Variants in LGSN observed in about 807,000 individuals in gnomAD.
LGSN encodes the protein lengsin, lens protein with glutamine synthetase domain.
In LGSN, 21 loss-of-function variants were observed where a neutral mutation model predicts 19.5. The ratio of observed to expected loss-of-function variants is 1.07; its 90% CI spans 0.76 to 1.55. LGSN has a LOEUF of 1.55. Ranked by LOEUF, LGSN falls within the 40% of genes most tolerant of loss-of-function variation. LGSN has a pLI of 0.00. For synonymous variants in LGSN, 257 were observed against 215.6 expected (o/e 1.19, Z -1.68); for missense variants, 673 against 608.5 (o/e 1.11, Z -1.12).
chr6:63,365,918 A>C, the LGSN span, among the ~76,000 whole-genome samples: 1 of 152,238 alleles, frequency 6.6e-6, no homozygotes, highest in Non-Finnish European at 1.5e-5. Context: ...TCAATAAACT[A>C]AGTATTGATG....
the LGSN span, among the ~76,000 whole-genome samples, chr6:63,491,960 C>A: frequency 0.02 from 2,940 of 150,708 alleles, 42 homozygotes; most frequent in Non-Finnish European, 0.031. Context: ...ACCCGGGAGG[C>A]GGAAGTTGCA....
intron 2 of LGSN, among the ~76,000 whole-genome samples, chr6:63,287,691 A>C (rs1163456570): frequency 6.6e-6 from 1 of 152,036 alleles, no homozygotes; most frequent in Non-Finnish European, 1.5e-5. Context: ...CTATGCAACA[A>C]AGAGGGACTG....
chr6:63,432,109 GAAAGAAA>G, the LGSN span, among the ~76,000 whole-genome samples: 12 of 78,756 alleles, frequency 1.5e-4, no homozygotes, highest in Non-Finnish European at 2.8e-4. Context: ...AAGAAAGAAA[GAAAGAAA>G]GAAAGAAAGA....
chr6:63,337,432 G>A, the LGSN span, among the ~76,000 whole-genome samples: 1 of 151,766 alleles, frequency 6.6e-6, no homozygotes, highest in Non-Finnish European at 1.5e-5. Context: ...AGCCAAGATA[G>A]CGCCACTGCA....
the LGSN span, among the ~76,000 whole-genome samples, chr6:63,551,044 T>C: frequency 6.6e-6 from 1 of 151,592 alleles, no homozygotes; most frequent in Non-Finnish European, 1.5e-5. Context: ...TATGAAAGTA[T>C]TACAAGCCAC....
chr6:63,438,493 C>T, the LGSN span, among the ~76,000 whole-genome samples: 2 of 151,996 alleles, frequency 1.3e-5, no homozygotes, highest in East Asian at 3.9e-4. Context: ...ACAATGAACT[C>T]AAACAAATTT....
chr6:63,429,441 A>G, the LGSN span, among the ~76,000 whole-genome samples: 2 of 152,124 alleles, frequency 1.3e-5, no homozygotes, highest in Admixed American at 1.3e-4. Flanking sequence ...TTTCTTAAAA[A>G]TCAAGAAATC....
chr6:63,370,976 A>T, the LGSN span, among the ~76,000 whole-genome samples: 23 of 152,180 alleles, frequency 1.5e-4, no homozygotes, highest in African/African-American at 5.6e-4. Flanking sequence ...GATTTTTATC[A>T]TGCGCAATTT....
At chr6:63,520,755 G>A in the LGSN span, among the ~76,000 whole-genome samples, 1 of 151,984 alleles carries the variant, frequency 6.6e-6, no homozygotes, top group Non-Finnish European at 1.5e-5. Context: ...TTATTTCCTT[G>A]TCAATATGAT....
At chr6:63,425,673 G>T in the LGSN span, among the ~76,000 whole-genome samples, 1 of 152,060 alleles carries the variant, frequency 6.6e-6, no homozygotes, top group African/African-American at 2.4e-5. Flanking sequence ...GATCCTGGTG[G>T]TGACAGAAAT....
the LGSN span, among the ~76,000 whole-genome samples, chr6:63,533,100 G>A: frequency 6.6e-6 from 1 of 152,184 alleles, no homozygotes; most frequent in Admixed American, 6.5e-5. Flanking sequence ...AAAACAATAA[G>A]GCTGGGCGAG....
chr6:63,478,289 G>A, the LGSN span, among the ~76,000 whole-genome samples: 1 of 152,156 alleles, frequency 6.6e-6, no homozygotes, highest in South Asian at 2.1e-4. Context: ...TGTTTAAAAT[G>A]TATAAATGGG....
chr6:63,383,421 C>T, the LGSN span, among the ~76,000 whole-genome samples: 1 of 151,768 alleles, frequency 6.6e-6, no homozygotes, highest in Non-Finnish European at 1.5e-5. Context: ...CATGCACATA[C>T]ACAGACCCAG....
At chr6:63,568,390 C>T in the LGSN span, among the ~76,000 whole-genome samples, 4 of 152,164 alleles carry the variant, frequency 2.6e-5, no homozygotes, top group Admixed American at 6.5e-5. Context: ...GGCCCATCAG[C>T]GGAGCAGTCA....
chr6:63,435,506 C>T, the LGSN span, among the ~76,000 whole-genome samples: 1 of 152,152 alleles, frequency 6.6e-6, no homozygotes, highest in East Asian at 1.9e-4. Context: ...TCAGCTTCCA[C>T]CTTTGCCCCT....
chr6:63,502,962 T>A, the LGSN span, among the ~76,000 whole-genome samples: 1 of 152,238 alleles, frequency 6.6e-6, no homozygotes, highest in East Asian at 1.9e-4. Context: ...AATTAATCAA[T>A]CGATGTCAGA....
the LGSN span, among the ~76,000 whole-genome samples, chr6:63,375,550 A>C: frequency 2.0e-5 from 3 of 152,158 alleles, no homozygotes; most frequent in South Asian, 2.1e-4. Context: ...AAAATATGAA[A>C]ACACTTATTT....
At chr6:63,522,281 A>G in the LGSN span, among the ~76,000 whole-genome samples, 1 of 152,212 alleles carries the variant, frequency 6.6e-6, no homozygotes, top group East Asian at 1.9e-4. Flanking sequence ...AATTTAGATG[A>G]ATTATTTGTA....
the LGSN span, among the ~76,000 whole-genome samples, chr6:63,390,491 C>G: frequency 2.5e-4 from 38 of 151,992 alleles, no homozygotes; most frequent in Admixed American, 7.9e-4. Context: ...GCCAAATTCA[C>G]CACTTCATTG....
Sources: gnomAD v4.1 joint callset for allele counts (sites outside exome capture counted in the v4.1 genomes callset) on GRCh38, gnomAD v4.1.1 for gene constraint, MANE v1.5 for transcripts, NCBI Gene and HGNC (gene_info 2026-07-23, HGNC 2026-07-21) for gene names.